The following REV3L variants were observed in gnomAD, a reference collection of about 807,000 sequenced individuals.
The protein encoded by REV3L is REV3 like, DNA directed polymerase zeta catalytic subunit, also known as DNA polymerase zeta catalytic subunit.
A neutral mutation model predicts 299.4 loss-of-function variants in REV3L; 69 were observed. The ratio of observed to expected loss-of-function variants is 0.23; its 90% CI spans 0.19 to 0.28. The LOEUF is 0.28. REV3L is among the 10% of genes least tolerant of loss of function. The pLI, the probability that REV3L is intolerant of heterozygous loss-of-function variation, is 1.00. For missense variants in REV3L, 3,128 were observed against 3,693.8 expected (o/e 0.85, Z 3.97); for synonymous variants, 1,238 against 1,271.4 (o/e 0.97, Z 0.56).
intron 1 of REV3L, among the ~76,000 whole-genome samples, chr6:111,475,947 T>C (rs1471505934): frequency 2.0e-5 from 3 of 152,204 alleles, no homozygotes; most frequent in Non-Finnish European, 4.4e-5. Flanking sequence ...ATCCCAACAC[T>C]GTTTATTAAA....
At chr6:111,350,381 C>A (rs1364650760) in intron 19 of REV3L, among the ~76,000 whole-genome samples, 1 of 151,812 alleles carries the variant, frequency 6.6e-6, no homozygotes, top group Non-Finnish European at 1.5e-5. Flanking sequence ...GTTTTAAGTT[C>A]TTCAAAATAA....
chr6:111,428,320 A>C (rs1786441389), intron 1 of REV3L, among the ~76,000 whole-genome samples: 1 of 152,174 alleles, frequency 6.6e-6, no homozygotes, highest in African/African-American at 2.4e-5. Flanking sequence ...CAAAGCAGAA[A>C]AGTAATTAAG....
intron 12 of REV3L, 110 bp from the exon 13 acceptor site, chr6:111,376,867 TAA>T: frequency 2.4e-6 from 2 of 827,310 alleles, no homozygotes; most frequent in Admixed American, 3.3e-5. Flanking sequence ...TACATCAAAT[TAA>T]GTTTGGTTAT....
Position 111,377,784 on chromosome 6 carries a change from TCTC to T in REV3L, c.1511_1513del (p.Gly504del), listed in dbSNP as rs1562220043. 2 of 1,613,564 alleles carry T rather than the reference TCTC, an allele frequency of 1.2e-6. No individual in the cohort carries two copies. Among genetic ancestry groups the T allele is most frequent in the Non-Finnish European group, 1.7e-6 (2 of 1,179,716 alleles). On this transcript the variant is annotated inframe_deletion, in exon 12 of 32. Coordinates refer to ENST00000368802, the MANE Select transcript of REV3L (RefSeq NM_001372078.1). ...ACTGTTATCACTCCATTCCATTTCT[TCTC>T]CTGAAGATGAGTCATCATCTTCAGT...
chr6:111,473,623 T>A (rs1792531435), intron 1 of REV3L, among the ~76,000 whole-genome samples: 1 of 151,824 alleles, frequency 6.6e-6, no homozygotes, highest in Non-Finnish European at 1.5e-5. Context: ...ATAATATTAT[T>A]ATATAAGAAG....
chr6:111,344,066 A>G, intron 20 of REV3L, 23 bp from the exon 21 acceptor site: 1 of 1,470,918 alleles, frequency 6.8e-7, no homozygotes, highest in Non-Finnish European at 9.4e-7. Flanking sequence ...GCAAGACACC[A>G]TTATAATAAT....
At chr6:111,407,143 A>G (rs78945802) in intron 3 of REV3L, among the ~76,000 whole-genome samples, 8,533 of 152,010 alleles carry the variant, frequency 0.056, 275 homozygotes, top group Middle Eastern at 0.085. Flanking sequence ...TTCAAATCAA[A>G]ATTTCTCTGC....
At chr6:111,411,674 C>T in intron 2 of REV3L, 120 bp from the exon 3 acceptor site, 1 of 665,476 alleles carries the variant, frequency 1.5e-6, no homozygotes. Flanking sequence ...TATTATCCAC[C>T]CCCCAAAAAA....
At chr6:111,460,057 T>C (rs1562345534) in intron 1 of REV3L, among the ~76,000 whole-genome samples, 1 of 152,058 alleles carries the variant, frequency 6.6e-6, no homozygotes, top group African/African-American at 2.4e-5. Flanking sequence ...GAAAATGTGG[T>C]ACATATACAC....
chr6:111,416,813 T>C (rs1214123052), intron 1 of REV3L, among the ~76,000 whole-genome samples: 1 of 152,202 alleles, frequency 6.6e-6, no homozygotes, highest in South Asian at 2.1e-4. Context: ...CACAGTGTTA[T>C]GAAGGTTACA....
intron 22 of REV3L, among the ~76,000 whole-genome samples, chr6:111,334,693 TCAAA>T (rs1245219577): frequency 2.6e-5 from 4 of 152,138 alleles, no homozygotes; most frequent in African/African-American, 9.7e-5. Flanking sequence ...ACAGACTAGC[TCAAA>T]CAGTTGTTAA....
intron 26 of REV3L, among the ~76,000 whole-genome samples, chr6:111,319,465 C>T (rs1169892919): frequency 6.8e-6 from 1 of 147,648 alleles, no homozygotes; most frequent in African/African-American, 2.5e-5. Flanking sequence ...GATTCTGTCT[C>T]AGGAAAAAAA....
chr6:111,310,828 T>A, intron 29 of REV3L: 1 of 379,714 alleles, frequency 2.6e-6, no homozygotes, highest in Non-Finnish European at 4.7e-6. Context: ...GAAAAACAAA[T>A]GAATCAAGGA....
Position 111,379,982 on chromosome 6 carries a change from C to A in REV3L, c.1454G>T (p.Arg485Ile). Residue 485 changes from arginine (R) to isoleucine (I), a missense_variant and splice_region_variant, in exon 11 of 32, where the codon AGA becomes ATA. Physicochemically the swap from Arg to Ile is moderately conservative, Grantham distance 97. Coordinates refer to ENST00000368802, the MANE Select transcript of REV3L (RefSeq NM_001372078.1). ...SNIEEHCAKK[R>I]SLCRNTHRSS... is the part of the protein sequence containing the mutation. ...ACAACTGCAATAACTAAAAAATTAC[C>A]TCTTTTTGGCACAATGTTCTTCAAT... 1 of 1,583,860 alleles carries A rather than the reference C, an allele frequency of 6.3e-7. No individual in the cohort carries two copies. Among genetic ancestry groups the A allele is most frequent in the Admixed American group, 1.7e-5 (1 of 57,880 alleles).
intron 1 of REV3L, among the ~76,000 whole-genome samples, chr6:111,429,804 G>C (rs1417443715): frequency 6.6e-6 from 1 of 152,074 alleles, no homozygotes; most frequent in African/African-American, 2.4e-5. Context: ...GTGAGCACAG[G>C]GGCCCGGTCG....
intron 2 of REV3L, among the ~76,000 whole-genome samples, chr6:111,414,451 G>A (rs1017630889): frequency 2.0e-5 from 3 of 152,048 alleles, no homozygotes; most frequent in Non-Finnish European, 4.4e-5. Flanking sequence ...ATGGCTAGAA[G>A]TTTAAATTGT....
At chr6:111,337,216 G>A (rs1775994883) in intron 21 of REV3L, among the ~76,000 whole-genome samples, 2 of 152,082 alleles carry the variant, frequency 1.3e-5, no homozygotes, top group Non-Finnish European at 2.9e-5. Flanking sequence ...TATACTGAAA[G>A]CCAGTGAATT....
intron 1 of REV3L, among the ~76,000 whole-genome samples, chr6:111,439,633 A>G (rs1251432750): frequency 2.6e-5 from 4 of 152,202 alleles, no homozygotes; most frequent in Admixed American, 2.6e-4. Flanking sequence ...CTACCCAATA[A>G]CAACGAAACA....
At chr6:111,430,155 G>A (rs1030519444) in intron 1 of REV3L, 1 of 789,416 alleles carries the variant, frequency 1.3e-6, no homozygotes, top group Admixed American at 1.7e-5. Context: ...TCACGCCCCT[G>A]TGGGATTAGA....
Sources: allele counts gnomAD v4.1 joint callset (sites outside exome capture counted in the v4.1 genomes callset), GRCh38; gene constraint gnomAD v4.1.1; transcripts MANE v1.5; gene names NCBI Gene and HGNC (gene_info 2026-07-23, HGNC 2026-07-21).